Variants in HHIPL1 observed in about 807,000 individuals in gnomAD.
HHIPL1 encodes HHIP like 1.
In HHIPL1, 43 loss-of-function variants were observed where a neutral mutation model predicts 61.8. The observed-to-expected ratio is 0.70, with a 90% CI of 0.55 to 0.90. HHIPL1 has a LOEUF of 0.90. Among genes scored for constraint, HHIPL1 ranks in the 40% least tolerant of loss-of-function variants. The pLI, the probability that HHIPL1 is intolerant of heterozygous loss-of-function variation, is 0.00. For missense variants in HHIPL1, 1,056 were observed against 1,157.7 expected (o/e 0.91, Z 1.28); for synonymous variants, 482 against 515.8 (o/e 0.93, Z 0.89).
In HHIPL1 at chr14:99,668,761, GTCCATCT is replaced by G. The variant is rs2056289169; in HGVS notation, c.1730+463_1730+469del. 2 of 1,577,462 alleles carry G rather than the reference GTCCATCT, an allele frequency of 1.3e-6. No individual in the cohort carries two copies. Among genetic ancestry groups the G allele is most frequent in the Admixed American group, 1.7e-5 (1 of 59,494 alleles). On this transcript the variant is annotated intron_variant, in intron 7 of 8. Transcript: ENST00000330710. This position sits in a 1 kb window ranked among gnomAD's most constrained non-coding sequence, Gnocchi z 4.7. ...CCCCGTGCCTGCCCTTCCTCCTGTG[GTCCATCT>G]TCCACTGGGGAAAACACATTGGGGC...
chr14:99,652,786 G>C lies in HHIPL1; in HGVS notation c.818G>C (p.Gly273Ala), dbSNP rs766711875. ...NRRLYVYYSV[G>A]IRSSEWIRIS... is the part of the protein sequence containing the mutation. ...AGGCTCTACGTCTACTACTCAGTGG[G>C]TATCCGCAGCAGTGAGTGGATCCGC... is the stretch of plus-strand genomic sequence containing the variant. The change falls in exon 2 of 9, where the codon GGT (glycine) becomes GCT (alanine). Residue 273 changes from glycine to alanine, a missense_variant. Coordinates refer to ENST00000330710, the MANE Select transcript of HHIPL1 (RefSeq NM_001127258.3). The C allele has an allele frequency of 1.9e-6, 3 of 1,614,078 alleles. No homozygotes were observed. The South Asian group carries it at 3.3e-5, about 18-fold the overall frequency.
At position 99,672,383 on chromosome 14, in the gene HHIPL1, C is replaced by G. The variant is rs2056335358; in HGVS notation, c.1797C>G (p.Pro599=). The change falls in exon 8 of 9, where the codon CCC becomes CCG. Residue 599 remains proline, a synonymous_variant. Transcript: ENST00000330710. The part of the protein sequence containing the change: ...AQVKIRSRLI[P]FVPKEKFIPK... ...TGAAGATCAGAAGCCGTCTCATCCC[C>G]TTTGTGCCCAAAGAAAGTAAGTGCC... The G allele has an allele frequency of 6.4e-7, 1 of 1,551,192 alleles. No homozygotes were observed. Among genetic ancestry groups the G allele is most frequent in the East Asian group, 2.4e-5 (1 of 40,916 alleles).
chr14:99,614,520 C>T, the HHIPL1 span, among the ~76,000 whole-genome samples: 1 of 152,198 alleles, frequency 6.6e-6, no homozygotes, highest in Non-Finnish European at 1.5e-5. Context: ...CACCGGAAAG[C>T]ATGTGAAATG....
At chr14:99,666,013 C>T (rs1203281236) in intron 6 of HHIPL1, among the ~76,000 whole-genome samples, 1 of 151,768 alleles carries the variant, frequency 6.6e-6, no homozygotes, top group Non-Finnish European at 1.5e-5. Context: ...AACTGCTGAC[C>T]TCAAGTGATC....
At chr14:99,663,847 G>A (rs992038661) in intron 6 of HHIPL1, among the ~76,000 whole-genome samples, 2 of 152,208 alleles carry the variant, frequency 1.3e-5, no homozygotes, top group African/African-American at 4.8e-5. Context: ...GTCCATGCCG[G>A]TTAGCCGGCC....
At chr14:99,640,587 GT>G (rs1042694915), upstream of HHIPL1, among the ~76,000 whole-genome samples, 4 of 152,076 alleles carry the variant, frequency 2.6e-5, no homozygotes, top group Non-Finnish European at 4.4e-5. Flanking sequence ...GCCCAGCTGG[GT>G]TTTTTTAATT....
At chr14:99,622,090 T>C in the HHIPL1 span, among the ~76,000 whole-genome samples, 7,833 of 152,236 alleles carry the variant, frequency 0.051, 608 homozygotes, top group African/African-American at 0.17. Context: ...GTTTGTGCAA[T>C]TGACCTTTTG....
rs374377110 is a variant in HHIPL1, at chr14:99,668,348, G to A, written c.1730+45G>A. On this transcript the variant is annotated intron_variant, in intron 7 of 8. Transcript: ENST00000330710. The surrounding 1 kb of genome is among the most constrained non-coding windows in gnomAD (Gnocchi z 4.7). ...ACAGGGAGCTCCTGCTGTCTGTCAG[G>A]CCTCTTAGCTCCACGGGCTTGTCCC... 2.4e-5 allele frequency: 28 copies of A among 1,168,860 alleles called. No homozygotes were observed. In the African/African-American group the frequency reaches 3.9e-4, roughly 16 times the overall value. 72.4% of individuals were successfully genotyped at this position (1,168,860 alleles called of 1,614,324 possible).
At chr14:99,616,020 T>G in the HHIPL1 span, among the ~76,000 whole-genome samples, 1 of 152,218 alleles carries the variant, frequency 6.6e-6, no homozygotes, top group Admixed American at 6.5e-5. Context: ...AATCAGGCCA[T>G]ACCATGGCTC....
At chr14:99,631,100 CTTTCT>C in the HHIPL1 span, among the ~76,000 whole-genome samples, 1 of 143,766 alleles carries the variant, frequency 7.0e-6, no homozygotes, top group East Asian at 2.0e-4. Flanking sequence ...TTCTTTCTTT[CTTTCT>C]TTCTCTCTCT....
intron 1 of HHIPL1, among the ~76,000 whole-genome samples, chr14:99,646,817 GATATGATATGATATGATATAATATA>G (rs202030561): frequency 0.015 from 984 of 64,492 alleles, 10 homozygotes; most frequent in African/African-American, 0.021. Flanking sequence ...GATATGATAT[GATATGATATGATATGATATAATATA>G]ATATAATATA....
chr14:99,618,500 G>C, the HHIPL1 span, among the ~76,000 whole-genome samples: 1 of 152,090 alleles, frequency 6.6e-6, no homozygotes, highest in South Asian at 2.1e-4. Context: ...GCCTGGCAGG[G>C]ACATGAGCTT....
intron 5 of HHIPL1, among the ~76,000 whole-genome samples, chr14:99,661,754 G>A (rs967940930): frequency 2.0e-5 from 3 of 152,170 alleles, no homozygotes; most frequent in African/African-American, 4.8e-5. Flanking sequence ...CTGAAGGTAC[G>A]GTGCCCAGCC....
upstream of HHIPL1, among the ~76,000 whole-genome samples, chr14:99,642,596 G>C (rs1373017457): frequency 6.6e-6 from 1 of 151,648 alleles, no homozygotes; most frequent in Non-Finnish European, 1.5e-5. Context: ...CGCAATCTTA[G>C]CTGATTGCAA....
At chr14:99,618,842 G>T in the HHIPL1 span, among the ~76,000 whole-genome samples, 2 of 152,348 alleles carry the variant, frequency 1.3e-5, no homozygotes, top group East Asian at 3.9e-4. Context: ...TGCACATCTG[G>T]TGTATGGGGT....
In HHIPL1 at chr14:99,662,859, C is replaced by T. The variant is rs2056173934; in HGVS notation, c.1503-17C>T. The T allele has an allele frequency of 3.8e-6, 6 of 1,571,468 alleles. No individual in the cohort carries two copies. The East Asian group carries it at 9.1e-5, about 24-fold the overall frequency. On this transcript the variant is annotated splice_polypyrimidine_tract_variant and intron_variant, in intron 5 of 8. Transcript: ENST00000330710. ...TGCCATGCCAGGCATGGCCTCACAG[C>T]TCATCTTCCTTTGCAGGCGTCTGAT...
At chr14:99,663,567 C>T (rs1182270292) in intron 6 of HHIPL1, among the ~76,000 whole-genome samples, 1 of 152,086 alleles carries the variant, frequency 6.6e-6, no homozygotes, top group Non-Finnish European at 1.5e-5. Context: ...TATTTTGTGC[C>T]GGCCTCCTAT....
At chr14:99,611,434 C>T in the HHIPL1 span, among the ~76,000 whole-genome samples, 1 of 152,052 alleles carries the variant, frequency 6.6e-6, no homozygotes, top group African/African-American at 2.4e-5. Context: ...GCTGAGATTA[C>T]AGGCATCCAC....
Position 99,668,440 on chromosome 14 carries a change from A to G in HHIPL1, c.1730+137A>G. The G allele has an allele frequency of 1.5e-6, 1 of 649,090 alleles. No homozygotes were observed. Among genetic ancestry groups the G allele is most frequent in the South Asian group, 1.7e-5 (1 of 57,184 alleles). The allele number at this position is 649,090 out of a possible 1,614,324, so 40.2% of individuals were successfully genotyped here. A position where few individuals can be genotyped will look rare whatever the true frequency, so the allele number is the denominator to read the frequency against. Reference sequence around the variant, plus strand: ...CAGACAAGAACCCTGAGGCCCAGAGAGGGACGTGATTTGCCTCAGTTCCTC... The same window carrying G: ...CAGACAAGAACCCTGAGGCCCAGAGGGGGACGTGATTTGCCTCAGTTCCTC... On this transcript the variant is annotated intron_variant, in intron 7 of 8. Transcript: ENST00000330710. This position sits in a 1 kb window ranked among gnomAD's most constrained non-coding sequence, Gnocchi z 4.7.
Sources: gnomAD v4.1 joint callset for allele counts (sites outside exome capture counted in the v4.1 genomes callset) on GRCh38, gnomAD v4.1.1 for gene constraint, Gnocchi (gnomAD v3.1) non-coding constraint, MANE v1.5 for transcripts, NCBI Gene and HGNC (gene_info 2026-07-23, HGNC 2026-07-21) for gene names.